KIF13B: variants seen among roughly 807,000 people sequenced by gnomAD.
KIF13B encodes the protein kinesin family member 13B, also known as kinesin-like protein KIF13B.
In KIF13B, 127 loss-of-function variants were observed where a neutral mutation model predicts 222.0. The ratio of observed to expected loss-of-function variants is 0.57; its 90% CI spans 0.50 to 0.66. The LOEUF (loss-of-function observed/expected upper bound fraction) is 0.66, where lower values mean the gene tolerates loss of function less well. KIF13B is among the 30% of genes least tolerant of loss of function. The probability of loss-of-function intolerance (pLI) is 0.00; values close to 1 mark genes in which losing one functional copy is unlikely to be tolerated. For synonymous variants in KIF13B, 976 were observed against 919.0 expected (o/e 1.06, Z -1.12); for missense variants, 2,173 against 2,379.0 (o/e 0.91, Z 1.80).
chr8:29,120,028 AT>A (rs1478121718), intron 29 of KIF13B, among the ~76,000 whole-genome samples: 18 of 152,176 alleles, frequency 1.2e-4, no homozygotes, highest in African/African-American at 3.9e-4. Flanking sequence ...CTTCTAACTT[AT>A]TTTTAGATCC....
chr8:29,134,724 T>C (rs935291214), intron 21 of KIF13B, among the ~76,000 whole-genome samples: 5 of 152,228 alleles, frequency 3.3e-5, no homozygotes, highest in Non-Finnish European at 7.3e-5. Flanking sequence ...ACTGAAAATG[T>C]TACACAATAC....
intron 6 of KIF13B, among the ~76,000 whole-genome samples, chr8:29,184,739 A>G (rs111508048): frequency 0.013 from 1,933 of 152,350 alleles, 25 homozygotes; most frequent in African/African-American, 0.03. Context: ...CTCTGGATTA[A>G]GCAGAAGAAT....
Position 29,148,566 on chromosome 8 carries a change from G to T in KIF13B, c.1813+11C>A. On this transcript the variant is annotated intron_variant, in intron 16 of 39. Transcript: ENST00000524189. Reference sequence around the variant, plus strand: ...GGAACTGATTCTCAAGTGCACGCCCGACTTGCTCACCATTGCTGCCCAGGG... The same window carrying T: ...GGAACTGATTCTCAAGTGCACGCCCTACTTGCTCACCATTGCTGCCCAGGG... 1 of 1,577,870 alleles carries T rather than the reference G, an allele frequency of 6.3e-7. No homozygotes were observed.
chr8:29,192,752 C>T (rs1813242819), intron 3 of KIF13B, among the ~76,000 whole-genome samples: 1 of 152,136 alleles, frequency 6.6e-6, no homozygotes, highest in Non-Finnish European at 1.5e-5. Flanking sequence ...ATATCCATCA[C>T]CCAGCTAAAA....
At chr8:29,163,036 G>A (rs995136618) in intron 12 of KIF13B, among the ~76,000 whole-genome samples, 35 of 152,130 alleles carry the variant, frequency 2.3e-4, no homozygotes, top group Admixed American at 4.6e-4. Flanking sequence ...CACATGCATT[G>A]TCTGTCAACC....
At chr8:29,117,388 C>T (rs1236186882) in intron 30 of KIF13B, among the ~76,000 whole-genome samples, 1 of 152,186 alleles carries the variant, frequency 6.6e-6, no homozygotes, top group African/African-American at 2.4e-5. Flanking sequence ...TTTTGCTAAA[C>T]CACTTTCAAG....
At chr8:29,150,239 T>C in intron 15 of KIF13B, 58 bp downstream of exon 15, 1 of 937,680 alleles carries the variant, frequency 1.1e-6, no homozygotes. Flanking sequence ...AACATGTATT[T>C]TCTATTTCAG....
intron 37 of KIF13B, among the ~76,000 whole-genome samples, chr8:29,081,112 G>A (rs1469327029): frequency 6.6e-6 from 1 of 152,144 alleles, no homozygotes; most frequent in Non-Finnish European, 1.5e-5. Flanking sequence ...TCCTGCAAAC[G>A]CTCTACTGAT....
chr8:29,232,461 TAAAG>T (rs1410693162), intron 2 of KIF13B, among the ~76,000 whole-genome samples: 4 of 149,224 alleles, frequency 2.7e-5, no homozygotes, highest in African/African-American at 7.3e-5. Context: ...TATATACTTA[TAAAG>T]AAAGATTCCA....
intron 2 of KIF13B, among the ~76,000 whole-genome samples, chr8:29,221,857 G>C (rs1281482509): frequency 1.3e-5 from 2 of 152,066 alleles, no homozygotes; most frequent in Non-Finnish European, 2.9e-5. Context: ...TTTGGTATTT[G>C]GGTATTTCAT....
At chr8:29,102,609 C>A (rs187958850) in intron 35 of KIF13B, among the ~76,000 whole-genome samples, 1 of 152,222 alleles carries the variant, frequency 6.6e-6, no homozygotes. Context: ...GATACGGATT[C>A]TTTGGGTTTT....
intron 4 of KIF13B, 98 bp downstream of exon 4, chr8:29,190,899 C>G: frequency 1.1e-6 from 1 of 900,240 alleles, no homozygotes; most frequent in South Asian, 1.3e-5. Flanking sequence ...AGAGGAAACA[C>G]ACAGTTTGGG....
chr8:29,149,316 C>G (rs1811198508), intron 15 of KIF13B, among the ~76,000 whole-genome samples: 1 of 152,112 alleles, frequency 6.6e-6, no homozygotes, highest in South Asian at 2.1e-4. Flanking sequence ...CTCTTTGTGC[C>G]CATCTACCCT....
At chr8:29,234,328 C>T (rs1432086819) in intron 2 of KIF13B, among the ~76,000 whole-genome samples, 2 of 151,984 alleles carry the variant, frequency 1.3e-5, no homozygotes, top group South Asian at 2.1e-4. Context: ...TGAAGTATTA[C>T]TCGACCTTAA....
intron 35 of KIF13B, among the ~76,000 whole-genome samples, chr8:29,106,632 C>CAAAAAAAAA (rs71222590): frequency 1.8e-5 from 1 of 56,468 alleles, no homozygotes; most frequent in African/African-American, 8.5e-5. Context: ...AACTCTGTCT[C>CAAAAAAAAA]AAAAAAAAAA....
rs998543431 is a variant in KIF13B at position 29,069,895 on chromosome 8, C to G, written c.*609G>C. 2.6e-5 allele frequency: 4 copies of G among 151,966 alleles called. No individual in the cohort carries two copies. The highest frequency in any genetic ancestry group is 9.7e-5 in the African/African-American group (4 of 41,324). 9.4% of individuals were successfully genotyped at this position (151,966 alleles called of 1,614,324 possible). A position where few individuals can be genotyped will look rare whatever the true frequency, so the allele number is the denominator to read the frequency against. On this transcript the variant is annotated 3_prime_UTR_variant, in exon 40 of 40. Coordinates refer to ENST00000524189, the MANE Select transcript of KIF13B (RefSeq NM_015254.4). ...GGAGGGATGGGGGGGCTCAGGCCCT[C>G]GGCCCCCGTCTGGGGCACCAGGACC...
intron 1 of KIF13B, among the ~76,000 whole-genome samples, chr8:29,260,034 G>A (rs1008125300): frequency 2.0e-5 from 3 of 152,134 alleles, no homozygotes; most frequent in African/African-American, 4.8e-5. Flanking sequence ...CCTTTTGTTA[G>A]TGGAATGTTA....
At position 29,202,857 on chromosome 8, in the gene KIF13B, C is replaced by G. The variant is rs146394511; in HGVS notation, c.150-6658G>C. Among the ~76,000 whole-genome samples, 37 of 152,194 alleles carry G rather than the reference C, an allele frequency of 2.4e-4. 1 individual carries two copies. Among genetic ancestry groups the G allele is most frequent in the African/African-American group, 8.4e-4 (35 of 41,520 alleles). On this transcript the variant is annotated intron_variant, in intron 2 of 39. Coordinates refer to ENST00000524189, the MANE Select transcript of KIF13B (RefSeq NM_015254.4). Reference sequence around the variant, plus strand: ...CATCTCCCCCAACTCAGCTACGTCACTCCCCTGTCCTCCATATACCTAACT... The same window carrying G: ...CATCTCCCCCAACTCAGCTACGTCAGTCCCCTGTCCTCCATATACCTAACT...
In KIF13B at chr8:29,176,163, C is replaced by T. The variant is rs1193179412; in HGVS notation, c.850G>A (p.Gly284Ser). 5 of 1,612,288 alleles carry T rather than the reference C, an allele frequency of 3.1e-6. No homozygotes were observed. Among genetic ancestry groups the T allele is most frequent in the Non-Finnish European group, 4.2e-6 (5 of 1,178,658 alleles). The change falls in exon 10 of 40, where the codon GGT becomes AGT. Residue 284 changes from glycine (G) to serine (S), a missense_variant. This residue lies in a region of KIF13B where 1,480 missense variants were observed against 1,722.8 expected (regional missense o/e 0.86). Coordinates refer to ENST00000524189, the MANE Select transcript of KIF13B (RefSeq NM_015254.4). The part of the protein sequence containing the change: ...SNINKSLTTL[G>S]LVISALADQS... ...TCTGCAAGAGCTGAGATAACCAGAC[C>T]GAGGGTTGTGAGGGACCTGCATGGT...
Sources: allele counts gnomAD v4.1 joint callset (sites outside exome capture counted in the v4.1 genomes callset), GRCh38; gene constraint gnomAD v4.1.1; regional missense constraint gnomAD v4.1.1; transcripts MANE v1.5; gene names NCBI Gene and HGNC (gene_info 2026-07-23, HGNC 2026-07-21).